RUFY3: variants seen among roughly 807,000 people sequenced by gnomAD.
The protein encoded by RUFY3 is RUN and FYVE domain containing 3.
RUFY3 carries 34 observed loss-of-function variants against 84.0 expected under a neutral mutation model. That is an observed-to-expected ratio of 0.40 (90% confidence interval 0.31 to 0.54). The LOEUF is 0.54. Among genes scored for constraint, RUFY3 ranks in the 20% least tolerant of loss-of-function variants. The pLI, the probability that RUFY3 is intolerant of heterozygous loss-of-function variation, is 0.39. For missense variants in RUFY3, 507 were observed against 736.8 expected, an observed-to-expected ratio of 0.69 and a Z score of 3.61; for synonymous variants, 242 against 252.9, an observed-to-expected ratio of 0.96 and a Z score of 0.41.
chr4:70,721,845 C>G, upstream of RUFY3: 7 of 1,229,244 alleles, frequency 5.7e-6, no homozygotes, highest in African/African-American at 1.6e-5. Flanking sequence ...GTGGGTTGTA[C>G]AGGATGAGAG....
At chr4:70,729,444 G>A (rs1175971361) in intron 1 of RUFY3, among the ~76,000 whole-genome samples, 1 of 152,058 alleles carries the variant, frequency 6.6e-6, no homozygotes, top group Non-Finnish European at 1.5e-5. Flanking sequence ...TTTTAGTAGA[G>A]ACGAGGTTTC....
At chr4:70,711,098 T>C (rs1577892378) in intron 1 of RUFY3, among the ~76,000 whole-genome samples, 1 of 139,652 alleles carries the variant, frequency 7.2e-6, no homozygotes, top group Admixed American at 7.2e-5. Context: ...AAAAGAAGTA[T>C]GTCAAAGAAG....
At chr4:70,793,669 C>T (rs1578242464) in intron 12 of RUFY3, 116 bp from the exon 13 acceptor site, 5 of 1,567,716 alleles carry the variant, frequency 3.2e-6, no homozygotes, top group African/African-American at 2.8e-5. Context: ...TTTTTTTCCT[C>T]TCTCTGTCTC....
chr4:70,728,833 CTTTT>C (rs1359079460), intron 1 of RUFY3, among the ~76,000 whole-genome samples: 1 of 150,046 alleles, frequency 6.7e-6, no homozygotes, highest in African/African-American at 2.5e-5. Flanking sequence ...TTAAATAAGA[CTTTT>C]TTCCGATTAC....
chr4:70,731,100 C>T (rs773749842), intron 1 of RUFY3, among the ~76,000 whole-genome samples: 4 of 150,830 alleles, frequency 2.7e-5, no homozygotes, highest in South Asian at 2.1e-4. Flanking sequence ...TGCAGCTGCG[C>T]GATTTCGGCT....
chr4:70,722,514 GGTGTGTGTGTGTGAGTGTGTGTGT>G lies in RUFY3; in HGVS notation c.-57_-34del. On this transcript the variant is annotated 5_prime_UTR_variant, in exon 1 of 18. Transcript: ENST00000381006. ...GTGAGGAGGTTGTATTTATTTTTTT[GGTGTGTGTGTGTGAGTGTGTGTGT>G]GTCTGTGTGTGTGTTGTGGTCCCAG... is the stretch of plus-strand genomic sequence containing the variant. 7.0e-7 allele frequency: 1 copy of G among 1,430,966 alleles called. No individual in the cohort carries two copies. The highest frequency in any genetic ancestry group is 9.3e-7 in the Non-Finnish European group (1 of 1,077,662). The allele number at this position is 1,430,966 out of a possible 1,614,324, so 88.6% of individuals were successfully genotyped here.
chr4:70,779,791 C>T (rs1013654922), intron 8 of RUFY3, among the ~76,000 whole-genome samples: 1 of 151,932 alleles, frequency 6.6e-6, no homozygotes, highest in African/African-American at 2.4e-5. Flanking sequence ...CCATGCTGGT[C>T]CTGAACTGCT....
At chr4:70,744,061 A>G (rs1721749221) in intron 1 of RUFY3, among the ~76,000 whole-genome samples, 1 of 152,236 alleles carries the variant, frequency 6.6e-6, no homozygotes, top group South Asian at 2.1e-4. Flanking sequence ...TCCTCATTTC[A>G]GACTCAGAAA....
intron 1 of RUFY3, among the ~76,000 whole-genome samples, chr4:70,754,974 G>T (rs1434140937): frequency 6.6e-6 from 1 of 151,470 alleles, no homozygotes; most frequent in Non-Finnish European, 1.5e-5. Flanking sequence ...TGTGATCTTG[G>T]CTCACTGCAA....
At chr4:70,765,031 T>A (rs1725612199) in intron 4 of RUFY3, among the ~76,000 whole-genome samples, 1 of 151,520 alleles carries the variant, frequency 6.6e-6, no homozygotes, top group Non-Finnish European at 1.5e-5. Flanking sequence ...ACTAAAAAAA[T>A]ATAAAAATTA....
chr4:70,800,615 G>T (rs1732098809), intron 15 of RUFY3, among the ~76,000 whole-genome samples: 1 of 152,220 alleles, frequency 6.6e-6, no homozygotes, highest in Non-Finnish European at 1.5e-5. Context: ...TGGGCGCAGT[G>T]GCTCACGCCT....
chr4:70,732,210 A>AT (rs1244352488), intron 1 of RUFY3, among the ~76,000 whole-genome samples: 4 of 152,208 alleles, frequency 2.6e-5, no homozygotes. Flanking sequence ...CATCTGGGAC[A>AT]TTTGTTTGAA....
chr4:70,761,299 C>T (rs1724997841), intron 1 of RUFY3, among the ~76,000 whole-genome samples: 1 of 152,020 alleles, frequency 6.6e-6, no homozygotes, highest in African/African-American at 2.4e-5. Context: ...TGCTTTAGCA[C>T]CGGAAAGAAG....
chr4:70,716,363 C>T (rs1741616483), intron 1 of RUFY3, among the ~76,000 whole-genome samples: 1 of 151,866 alleles, frequency 6.6e-6, no homozygotes, highest in African/African-American at 2.4e-5. Flanking sequence ...CCAGGCAGGA[C>T]TTGATCTCCT....
intron 15 of RUFY3, among the ~76,000 whole-genome samples, chr4:70,801,174 A>G (rs2148819538): frequency 6.6e-6 from 1 of 152,210 alleles, no homozygotes. Flanking sequence ...AAAAAAAAAA[A>G]AAAAAAATCA....
chr4:70,721,698 A>G (rs1348399083), upstream of RUFY3, among the ~76,000 whole-genome samples: 1 of 152,220 alleles, frequency 6.6e-6, no homozygotes, highest in Non-Finnish European at 1.5e-5. Context: ...TGCCTCTTTT[A>G]CCATCTTTAC....
intron 1 of RUFY3, among the ~76,000 whole-genome samples, chr4:70,761,619 G>A (rs528677446): frequency 6.6e-6 from 1 of 152,298 alleles, no homozygotes; most frequent in Middle Eastern, 3.4e-3. Context: ...AGCCCACAGT[G>A]CTGGCACAGT....
intron 12 of RUFY3, chr4:70,791,715 GT>G: frequency 1.0e-6 from 1 of 1,003,098 alleles, no homozygotes; most frequent in Non-Finnish European, 1.2e-6. Flanking sequence ...CCATTGCAGT[GT>G]GATGAACCTA....
intron 6 of RUFY3, among the ~76,000 whole-genome samples, chr4:70,774,254 T>C (rs1374834076): frequency 6.6e-6 from 1 of 152,154 alleles, no homozygotes; most frequent in Non-Finnish European, 1.5e-5. Flanking sequence ...TTTTGTCTAC[T>C]ACAGATTAGT....
Sources: allele counts gnomAD v4.1 joint callset (sites outside exome capture counted in the v4.1 genomes callset), GRCh38; gene constraint gnomAD v4.1.1; transcripts MANE v1.5; gene names NCBI Gene and HGNC (gene_info 2026-07-23, HGNC 2026-07-21).